PDE7B: variants seen among roughly 807,000 people sequenced by gnomAD.
The protein encoded by PDE7B is 3',5'-cyclic-AMP phosphodiesterase 7B.
PDE7B carries 29 observed loss-of-function variants against 56.2 expected under a neutral mutation model. The observed-to-expected ratio is 0.52, with a 90% CI of 0.38 to 0.70. PDE7B has a LOEUF of 0.70. Among genes scored for constraint, PDE7B ranks in the 30% least tolerant of loss-of-function variants. The pLI is 0.00. For synonymous variants in PDE7B, 197 were observed against 196.9 expected (o/e 1.00, Z 0.00); for missense variants, 490 against 565.0 (o/e 0.87, Z 1.35).
chr6:135,906,832 T>TTTTTTG (rs1257351941), intron 1 of PDE7B, among the ~76,000 whole-genome samples: 2 of 144,006 alleles, frequency 1.4e-5, no homozygotes, highest in African/African-American at 5.5e-5. Context: ...TTTTTTTTTT[T>TTTTTTG]TTTTAATCCT....
intron 2 of PDE7B, among the ~76,000 whole-genome samples, chr6:136,022,591 C>T (rs1328652747): frequency 6.6e-6 from 1 of 152,152 alleles, no homozygotes; most frequent in East Asian, 1.9e-4. Flanking sequence ...CAGTTCCATC[C>T]TTTGAGCTCT....
intron 2 of PDE7B, among the ~76,000 whole-genome samples, chr6:136,067,471 A>G (rs539767685): frequency 6.6e-6 from 1 of 152,314 alleles, no homozygotes; most frequent in East Asian, 1.9e-4. Flanking sequence ...TTTAATTGAA[A>G]TGAAGGCATG....
At chr6:136,070,158 A>C (rs866702259) in intron 2 of PDE7B, 3 of 152,014 alleles carry the variant, frequency 2.0e-5, no homozygotes, top group African/African-American at 7.2e-5. Flanking sequence ...AAAAAAAAAA[A>C]ACAGAAGATT....
At chr6:135,960,812 G>T (rs1774886359) in intron 2 of PDE7B, among the ~76,000 whole-genome samples, 1 of 152,130 alleles carries the variant, frequency 6.6e-6, no homozygotes, top group African/African-American at 2.4e-5. Context: ...AATTTATATA[G>T]ATGAAATTAA....
At chr6:135,916,871 T>G (rs1773962015) in intron 1 of PDE7B, among the ~76,000 whole-genome samples, 1 of 151,834 alleles carries the variant, frequency 6.6e-6, no homozygotes. Context: ...TAATATATTT[T>G]TAATATAATT....
intron 5 of PDE7B, among the ~76,000 whole-genome samples, chr6:136,149,980 T>C (rs1314317634): frequency 6.6e-6 from 1 of 152,200 alleles, no homozygotes; most frequent in Non-Finnish European, 1.5e-5. Flanking sequence ...TTGCATGTCA[T>C]TTTGTTCAAA....
intron 1 of PDE7B, among the ~76,000 whole-genome samples, chr6:135,903,332 C>T (rs1358336006): frequency 6.6e-6 from 1 of 152,186 alleles, no homozygotes. Context: ...AAAGATTGCA[C>T]AGCTGGTAAG....
intron 1 of PDE7B, among the ~76,000 whole-genome samples, chr6:135,892,939 C>T (rs1228531603): frequency 6.6e-6 from 1 of 152,118 alleles, no homozygotes; most frequent in Non-Finnish European, 1.5e-5. Context: ...CTTCCTTATT[C>T]TCTTCTACCC....
rs370875893 is a variant in PDE7B, at chr6:136,037,142, G to A, written c.83-71589G>A. Reference sequence around the variant, plus strand: ...ATCAACAGTGCTCTCCCTCCAGAAGGTGAATTGTTAACATTCTTTTCTTTC... The same window carrying A: ...ATCAACAGTGCTCTCCCTCCAGAAGATGAATTGTTAACATTCTTTTCTTTC... On this transcript the variant is annotated intron_variant, in intron 2 of 12. Transcript: ENST00000308191. Among the ~76,000 whole-genome samples, 159 of 152,306 alleles carry A rather than the reference G, an allele frequency of 1.0e-3. 1 individual carries two copies. Among genetic ancestry groups the A allele is most frequent in the African/African-American group, 3.3e-3 (139 of 41,578 alleles).
At chr6:136,134,706 C>T (rs1209614491) in intron 3 of PDE7B, among the ~76,000 whole-genome samples, 1 of 145,250 alleles carries the variant, frequency 6.9e-6, no homozygotes, top group Non-Finnish European at 1.5e-5. Flanking sequence ...AGATTCAACC[C>T]ATTCGTTGGG....
chr6:136,129,318 A>G (rs1271404953), intron 3 of PDE7B, among the ~76,000 whole-genome samples: 1 of 152,132 alleles, frequency 6.6e-6, no homozygotes, highest in Non-Finnish European at 1.5e-5. Context: ...AGTCTCATCT[A>G]TGTGGAGATG....
At chr6:135,927,336 T>C (rs887159569) in intron 1 of PDE7B, among the ~76,000 whole-genome samples, 13 of 152,144 alleles carry the variant, frequency 8.5e-5, no homozygotes, top group African/African-American at 3.1e-4. Flanking sequence ...TCCAGCTTTG[T>C]TCTTTTTTTC....
At chr6:135,948,880 TAGATAGATAGATAGATAGAC>T (rs1437428627) in intron 2 of PDE7B, among the ~76,000 whole-genome samples, 2,732 of 146,094 alleles carry the variant, frequency 0.019, 78 homozygotes, top group African/African-American at 0.06. Context: ...GATAGATAGA[TAGATAGATAGATAGATAGAC>T]AGACAGACAG....
chr6:136,105,649 C>T (rs1052792727), intron 2 of PDE7B, among the ~76,000 whole-genome samples: 1 of 152,146 alleles, frequency 6.6e-6, no homozygotes, highest in African/African-American at 2.4e-5. Context: ...GATAAAATTG[C>T]TATGATTTAT....
chr6:136,071,736 T>C (rs962501135), intron 2 of PDE7B, among the ~76,000 whole-genome samples: 2 of 152,178 alleles, frequency 1.3e-5, no homozygotes, highest in African/African-American at 4.8e-5. Flanking sequence ...GAGGCTTCAC[T>C]GAGCTATGAT....
intron 3 of PDE7B, among the ~76,000 whole-genome samples, chr6:136,116,396 A>G (rs1309035670): frequency 1.3e-5 from 2 of 152,252 alleles, no homozygotes; most frequent in Non-Finnish European, 1.5e-5. Context: ...GGTGAACCGT[A>G]TAAAACACTG....
chr6:135,925,278 G>A (rs760570416), intron 1 of PDE7B, among the ~76,000 whole-genome samples: 45 of 152,046 alleles, frequency 3.0e-4, no homozygotes, highest in Non-Finnish European at 5.1e-4. Context: ...GAACACTGGG[G>A]AATGTTATAA....
At chr6:136,137,447 G>A (rs1379033710) in intron 3 of PDE7B, among the ~76,000 whole-genome samples, 1 of 152,024 alleles carries the variant, frequency 6.6e-6, no homozygotes, top group East Asian at 1.9e-4. Context: ...TATGTAGTTG[G>A]ATCTCCACGG....
In PDE7B at chr6:135,909,857, C is replaced by T. The variant is rs551129061; in HGVS notation, c.22-37607C>T. 4.6e-5 allele frequency among the ~76,000 whole-genome samples: 7 copies of T among 152,148 alleles called. 1 individual carries two copies. The highest frequency in any genetic ancestry group is 1.2e-4 in the African/African-American group (5 of 41,518). ...GGTACAGCATTGCAAGGTCAGCAGC[C>T]GTAGACTCGGATCCTCGGCAAACGC... On this transcript the variant is annotated intron_variant, in intron 1 of 12. Transcript: ENST00000308191.
Sources: gnomAD v4.1 joint callset for allele counts (sites outside exome capture counted in the v4.1 genomes callset) on GRCh38, gnomAD v4.1.1 for gene constraint, MANE v1.5 for transcripts, NCBI Gene and HGNC (gene_info 2026-07-23, HGNC 2026-07-21) for gene names.